Variants in PDZD2 observed in about 807,000 individuals in gnomAD.
PDZD2 encodes PDZ domain-containing protein 2.
PDZD2 carries 90 observed loss-of-function variants against 220.7 expected under a neutral mutation model. The ratio of observed to expected loss-of-function variants is 0.41; its 90% CI spans 0.34 to 0.49. PDZD2 has a LOEUF of 0.49. Ranked by LOEUF, PDZD2 falls within the 20% of genes least tolerant of loss-of-function variation. The pLI is 0.28. For missense variants in PDZD2, 3,174 were observed against 3,608.5 expected (o/e 0.88, Z 3.08); for synonymous variants, 1,375 against 1,450.5 (o/e 0.95, Z 1.18).
At chr5:31,832,580 C>G (rs1397750641) in intron 2 of PDZD2, 1 of 152,150 alleles carries the variant, frequency 6.6e-6, no homozygotes, top group Non-Finnish European at 1.5e-5. Flanking sequence ...TTTTGGGGGA[C>G]CCAGGCAGGC....
intron 6 of PDZD2, among the ~76,000 whole-genome samples, chr5:32,021,837 A>G (rs970322700): frequency 6.6e-6 from 1 of 152,214 alleles, no homozygotes; most frequent in Non-Finnish European, 1.5e-5. Context: ...CTTTTAAGCT[A>G]TGAGTAGCAA....
At chr5:31,847,354 C>A (rs979817070) in intron 2 of PDZD2, 4 of 409,292 alleles carry the variant, frequency 9.8e-6, no homozygotes, top group Non-Finnish European at 1.8e-5. Flanking sequence ...AGGGTAAAAC[C>A]GATTACTATG....
At chr5:31,710,189 G>A (rs896285058) in intron 1 of PDZD2, among the ~76,000 whole-genome samples, 5 of 152,148 alleles carry the variant, frequency 3.3e-5, no homozygotes, top group Non-Finnish European at 1.5e-5. Flanking sequence ...AAAAATGCAT[G>A]TAAAGAGCAT....
chr5:31,902,738 G>A lies in PDZD2; in HGVS notation c.477-80417G>A, dbSNP rs942801208. On this transcript the variant is annotated intron_variant, in intron 2 of 24. Transcript: ENST00000438447. ...AAAAATTAGCCGGGTGCAGTGGCAC[G>A]TGCCTGTAATCCCAGCTACTCGGGA... Among the ~76,000 whole-genome samples the A allele has an allele frequency of 3.3e-5, 5 of 151,522 alleles. 1 individual carries two copies. Among genetic ancestry groups the A allele is most frequent in the South Asian group, 2.1e-4 (1 of 4,796 alleles).
chr5:31,881,374 A>ATTT (rs397884700), intron 2 of PDZD2, among the ~76,000 whole-genome samples: 1 of 100,268 alleles, frequency 1.0e-5, no homozygotes, highest in African/African-American at 4.2e-5. Flanking sequence ...GTGTGTATAT[A>ATTT]TTTTTTTTTT....
chr5:31,735,700 A>C (rs1001187610), intron 1 of PDZD2, among the ~76,000 whole-genome samples: 7 of 152,198 alleles, frequency 4.6e-5, no homozygotes, highest in South Asian at 2.1e-4. Context: ...TAATCCCAGC[A>C]CATTGGGAGG....
intron 1 of PDZD2, among the ~76,000 whole-genome samples, chr5:31,668,932 G>T (rs1746104702): frequency 6.6e-6 from 1 of 151,934 alleles, no homozygotes; most frequent in South Asian, 2.1e-4. Context: ...TCCCAAGTGG[G>T]GCTGGGGCTG....
chr5:31,646,759 G>A lies in PDZD2; in HGVS notation c.-361+7322G>A, dbSNP rs767530090. Among the ~76,000 whole-genome samples the A allele has an allele frequency of 6.6e-6, 1 of 152,180 alleles. No individual in the cohort carries two copies. The highest frequency in any genetic ancestry group is 2.1e-4 in the South Asian group (1 of 4,810). On this transcript the variant is annotated intron_variant, in intron 1 of 24. Transcript: ENST00000438447. This position sits in a 1 kb window ranked among gnomAD's most constrained non-coding sequence, Gnocchi z 4.7. ...CAAAACCACTCAGCATACAAAATTGGCATAGCTTTCCTCCACAGTTTGCCA... is the reference window on the plus strand; with the variant it reads ...CAAAACCACTCAGCATACAAAATTGACATAGCTTTCCTCCACAGTTTGCCA...
At chr5:31,780,172 C>A (rs946322528) in intron 1 of PDZD2, among the ~76,000 whole-genome samples, 2 of 152,020 alleles carry the variant, frequency 1.3e-5, no homozygotes, top group African/African-American at 4.8e-5. Flanking sequence ...GGAGTTCTAC[C>A]CTTGGAGCCT....
intron 2 of PDZD2, among the ~76,000 whole-genome samples, chr5:31,943,478 C>T (rs1357107778): frequency 5.9e-5 from 9 of 152,050 alleles, no homozygotes; most frequent in Non-Finnish European, 7.4e-5. Context: ...TCCTAAAAAG[C>T]GGGGTTATTT....
intron 1 of PDZD2, among the ~76,000 whole-genome samples, chr5:31,771,842 C>T (rs1274676647): frequency 6.6e-6 from 1 of 152,076 alleles, no homozygotes; most frequent in East Asian, 1.9e-4. Flanking sequence ...GCCTGGGTGA[C>T]TTTTCCCTTC....
At chr5:31,745,809 ATTTTT>A (rs59613880) in intron 1 of PDZD2, among the ~76,000 whole-genome samples, 5 of 143,204 alleles carry the variant, frequency 3.5e-5, no homozygotes, top group Middle Eastern at 3.6e-3. Context: ...CATGTAAATG[ATTTTT>A]TTTTTTTTTT....
intron 24 of PDZD2, among the ~76,000 whole-genome samples, chr5:32,105,796 T>C (rs1485321642): frequency 6.6e-6 from 1 of 152,234 alleles, no homozygotes; most frequent in Admixed American, 6.5e-5. Flanking sequence ...GAGAGAGACA[T>C]ATCCTGCTCA....
chr5:31,991,496 C>T (rs1751205530), intron 3 of PDZD2, among the ~76,000 whole-genome samples: 1 of 152,058 alleles, frequency 6.6e-6, no homozygotes, highest in African/African-American at 2.4e-5. Context: ...GAGGATAATG[C>T]TGTTTGCATT....
intron 2 of PDZD2, among the ~76,000 whole-genome samples, chr5:31,977,025 T>G (rs1276053267): frequency 6.6e-6 from 1 of 151,436 alleles, no homozygotes; most frequent in Non-Finnish European, 1.5e-5. Context: ...CAGTTTTGTT[T>G]TTTTTTTTTT....
intron 1 of PDZD2, among the ~76,000 whole-genome samples, chr5:31,722,641 C>G (rs1369718695): frequency 6.6e-6 from 1 of 151,888 alleles, no homozygotes; most frequent in Non-Finnish European, 1.5e-5. Context: ...CACAACTTTC[C>G]TCTTTGCTAG....
At chr5:31,655,880 T>C (rs1745529560) in intron 1 of PDZD2, among the ~76,000 whole-genome samples, 1 of 152,256 alleles carries the variant, frequency 6.6e-6, no homozygotes, top group African/African-American at 2.4e-5. Context: ...TGTTGTTGCA[T>C]TCTTAGAAAA....
intron 1 of PDZD2, among the ~76,000 whole-genome samples, chr5:31,647,783 T>G (rs1745188353): frequency 6.6e-6 from 1 of 152,218 alleles, no homozygotes; most frequent in Admixed American, 6.5e-5. Flanking sequence ...TGGGTATATC[T>G]TTTGGGGAGC....
chr5:31,898,963 G>T (rs1741836612), intron 2 of PDZD2, among the ~76,000 whole-genome samples: 1 of 151,674 alleles, frequency 6.6e-6, no homozygotes, highest in Non-Finnish European at 1.5e-5. Flanking sequence ...GAGTAGCTGG[G>T]ACTATAGGCG....
Sources: allele counts gnomAD v4.1 joint callset (sites outside exome capture counted in the v4.1 genomes callset), GRCh38; gene constraint gnomAD v4.1.1; non-coding constraint Gnocchi (gnomAD v3.1); transcripts MANE v1.5; gene names NCBI Gene and HGNC (gene_info 2026-07-23, HGNC 2026-07-21).